Variants in MTRES1 observed in about 807,000 individuals in gnomAD.
The protein encoded by MTRES1 is mitochondrial transcription rescue factor 1.
Under a neutral mutation model 17.4 loss-of-function variants are expected in MTRES1, and 11 were observed. The observed-to-expected ratio is 0.63, with a 90% CI of 0.40 to 1.05. MTRES1 has a LOEUF of 1.05. Ranked by LOEUF, MTRES1 falls within the 50% of genes least tolerant of loss-of-function variation. The pLI, the probability that MTRES1 is intolerant of heterozygous loss-of-function variation, is 0.00. For missense variants in MTRES1, 268 were observed against 276.2 expected, an observed-to-expected ratio of 0.97 and a Z score of 0.21; for synonymous variants, 94 against 99.6, an observed-to-expected ratio of 0.94 and a Z score of 0.34.
chr6:107,041,143 G>T (rs988466128), intron 2 of MTRES1, among the ~76,000 whole-genome samples: 53 of 149,204 alleles, frequency 3.6e-4, no homozygotes, highest in Non-Finnish European at 5.2e-4. Context: ...GAGAATGGTG[G>T]GAACCCGGGA....
At chr6:107,033,903 A>G (rs1332884980) in intron 1 of MTRES1, among the ~76,000 whole-genome samples, 4 of 152,108 alleles carry the variant, frequency 2.6e-5, no homozygotes, top group African/African-American at 9.7e-5. Context: ...AACAACTACA[A>G]ATGGTCATCA....
chr6:107,028,702 G>C (rs1773721033), intron 1 of MTRES1: 1 of 156,438 alleles, frequency 6.4e-6, no homozygotes, highest in Admixed American at 6.5e-5. Context: ...TTACGGAGCG[G>C]TGAACGGGCT....
At chr6:107,038,650 T>C (rs1481065938) in intron 1 of MTRES1, among the ~76,000 whole-genome samples, 1 of 152,212 alleles carries the variant, frequency 6.6e-6, no homozygotes, top group Admixed American at 6.6e-5. Context: ...AGTTTAGAGA[T>C]TCACTCTGGA....
At chr6:107,031,608 A>AT (rs34148089) in intron 1 of MTRES1, among the ~76,000 whole-genome samples, 45,855 of 142,962 alleles carry the variant, frequency 0.32, 7,392 homozygotes, top group East Asian at 0.38. Context: ...GTGCCCAGCT[A>AT]TTTTTTTTTT....
intron 3 of MTRES1, among the ~76,000 whole-genome samples, chr6:107,046,347 G>A (rs1039851913): frequency 1.4e-4 from 3 of 20,760 alleles, no homozygotes; most frequent in Non-Finnish European, 3.4e-4. Flanking sequence ...ACCCGCCCCC[G>A]TTTTGTGATG....
At chr6:107,037,741 CAG>C (rs10528026) in intron 1 of MTRES1, among the ~76,000 whole-genome samples, 5,979 of 152,100 alleles carry the variant, frequency 0.039, 180 homozygotes, top group Middle Eastern at 0.12. Context: ...ATTTTTGAGA[CAG>C]AGTCTCACTC....
chr6:107,051,437 T>C lies in MTRES1; in HGVS notation c.*201T>C. 2.5e-6 allele frequency: 1 copy of C among 395,092 alleles called. No homozygotes were observed. The highest frequency in any genetic ancestry group is 2.5e-5 in the South Asian group (1 of 40,178). The allele number at this position is 395,092 out of a possible 1,614,324, so 24.5% of individuals were successfully genotyped here. Reference sequence around the variant, plus strand: ...ACCCCCTGCCCACCTTGATCCATGCTCCTTTGACCTCCTCGTGTGAGAACC... The same window carrying C: ...ACCCCCTGCCCACCTTGATCCATGCCCCTTTGACCTCCTCGTGTGAGAACC... On this transcript the variant is annotated 3_prime_UTR_variant, in exon 4 of 4. Coordinates refer to ENST00000311381, the MANE Select transcript of MTRES1 (RefSeq NM_016487.5).
rs781867556 is a variant in MTRES1 at position 107,051,120 on chromosome 6, G to C, written c.607G>C (p.Val203Leu). Residue 203 changes from valine to leucine, a missense_variant, in exon 4 of 4, where the codon GTT (valine) becomes CTT (leucine). Val to Leu is a conservative substitution (Grantham distance 32, BLOSUM62 1). Transcript: ENST00000311381. Reference protein sequence around the residue: ...GEDKEAGTETVMRILLKKVFE... With the variant: ...GEDKEAGTETLMRILLKKVFE... ...GGATAAAGAAGCAGGAACAGAGACAGTTATGCGGATTCTCTTGAAAAAAGT... is the reference window on the plus strand; with the variant it reads ...GGATAAAGAAGCAGGAACAGAGACACTTATGCGGATTCTCTTGAAAAAAGT... The C allele has an allele frequency of 2.5e-5, 40 of 1,613,854 alleles. No individual in the cohort carries two copies. Among genetic ancestry groups the C allele is most frequent in the Non-Finnish European group, 3.2e-5 (38 of 1,179,708 alleles).
At chr6:107,044,473 G>T in intron 3 of MTRES1, 141 bp downstream of exon 3, 1 of 668,528 alleles carries the variant, frequency 1.5e-6, no homozygotes, top group Non-Finnish European at 2.7e-6. Flanking sequence ...CAAGCTGGTG[G>T]GAATCAGCTA....
chr6:107,035,449 C>T (rs1002339066), intron 1 of MTRES1, among the ~76,000 whole-genome samples: 1 of 151,910 alleles, frequency 6.6e-6, no homozygotes, highest in East Asian at 2.0e-4. Flanking sequence ...GACTCTAGGA[C>T]TTAAGACCAA....
Position 107,051,086 on chromosome 6 carries a change from C to A in MTRES1, c.573C>A (p.Leu191=). ...AAGTGGGAGATACATTGGATCTTCT[C>A]ATTGGAGAGGATAAAGAAGCAGGAA... ...TVKVGDTLDL[L]IGEDKEAGTE... The change falls in exon 4 of 4, where the codon CTC becomes CTA. Residue 191 remains leucine, a synonymous_variant. Coordinates refer to ENST00000311381, the MANE Select transcript of MTRES1 (RefSeq NM_016487.5). The A allele has an allele frequency of 6.2e-7, 1 of 1,613,220 alleles. No individual in the cohort carries two copies. Among genetic ancestry groups the A allele is most frequent in the South Asian group, 1.1e-5 (1 of 90,878 alleles).
rs201831173 is a variant in MTRES1, at chr6:107,045,484, A to T, written c.543+1152A>T. On this transcript the variant is annotated intron_variant, in intron 3 of 3. Transcript: ENST00000311381. ...GGGCGACAGAGCGAGACTTCGTCTC[A>T]AAAAAAAAAAAAAAATTCTGTTAGA... 4.1e-3 allele frequency among the ~76,000 whole-genome samples: 5 copies of T among 1,210 alleles called. No individual in the cohort carries two copies. The Non-Finnish European group carries it at 0.083, about 20-fold the overall frequency. The allele number at this position is 1,210 out of a possible 152,430, so 0.8% of individuals were successfully genotyped here.
intron 1 of MTRES1, among the ~76,000 whole-genome samples, chr6:107,031,094 G>A (rs1773820442): frequency 6.6e-6 from 1 of 152,110 alleles, no homozygotes; most frequent in Non-Finnish European, 1.5e-5. Context: ...AAGATATCAG[G>A]GAGGGCCGGG....
At chr6:107,041,028 C>T (rs535759844) in intron 2 of MTRES1, 7 of 151,586 alleles carry the variant, frequency 4.6e-5, no homozygotes, top group East Asian at 3.9e-4. Flanking sequence ...AGATCGAGAC[C>T]ATCCTGGCTA....
intron 1 of MTRES1, 74 bp from the exon 2 acceptor site, chr6:107,039,675 T>G (rs1774124993): frequency 1.4e-6 from 2 of 1,459,440 alleles, no homozygotes; most frequent in Non-Finnish European, 9.2e-7. Flanking sequence ...GCGTTCATAG[T>G]GCATATGGTT....
intron 3 of MTRES1, among the ~76,000 whole-genome samples, 170 bp downstream of exon 3, chr6:107,044,502 G>A (rs1256114246): frequency 1.3e-5 from 2 of 152,034 alleles, no homozygotes; most frequent in Admixed American, 6.6e-5. Context: ...AGACACACAG[G>A]CACTTTCACT....
rs1478940847 is a variant in MTRES1 at position 107,036,897 on chromosome 6, A to G, written c.-12-2852A>G. ...TCAATTCTGAGATTATGTCCTTCCT[A>G]CTCTTTTGGCATGAAATCTTTCTTG... is the stretch of plus-strand genomic sequence containing the variant. On this transcript the variant is annotated intron_variant, in intron 1 of 3. Coordinates refer to ENST00000311381, the MANE Select transcript of MTRES1 (RefSeq NM_016487.5). 4.0e-5 allele frequency among the ~76,000 whole-genome samples: 6 copies of G among 150,096 alleles called. No individual in the cohort carries two copies. The East Asian group carries it at 5.9e-4, about 15-fold the overall frequency.
intron 3 of MTRES1, among the ~76,000 whole-genome samples, chr6:107,048,842 C>A (rs540438834): frequency 1.3e-5 from 2 of 151,794 alleles, no homozygotes; most frequent in South Asian, 2.1e-4. Context: ...GGAACCCCCC[C>A]ACCCCTGCCC....
intron 1 of MTRES1, among the ~76,000 whole-genome samples, chr6:107,030,546 G>T (rs1399244019): frequency 1.3e-5 from 2 of 152,144 alleles, no homozygotes; most frequent in African/African-American, 2.4e-5. Context: ...AGTCACATGG[G>T]GTATGCTTAA....
Sources: allele counts gnomAD v4.1 joint callset (sites outside exome capture counted in the v4.1 genomes callset), GRCh38; gene constraint gnomAD v4.1.1; transcripts MANE v1.5; gene names NCBI Gene and HGNC (gene_info 2026-07-23, HGNC 2026-07-21).